Variants in BMP1 observed in about 807,000 individuals in gnomAD.
BMP1 encodes bone morphogenetic protein 1.
BMP1 carries 63 observed loss-of-function variants against 116.8 expected under a neutral mutation model. The ratio of observed to expected loss-of-function variants is 0.54; its 90% CI spans 0.44 to 0.67. The LOEUF is 0.67. Ranked by LOEUF, BMP1 falls within the 30% of genes least tolerant of loss-of-function variation. The pLI, the probability that BMP1 is intolerant of heterozygous loss-of-function variation, is 0.00. For missense variants in BMP1, 1,183 were observed against 1,358.9 expected, an observed-to-expected ratio of 0.87 and a Z score of 2.04; for synonymous variants, 536 against 533.4, an observed-to-expected ratio of 1.00 and a Z score of -0.07.
intron 8 of BMP1, among the ~76,000 whole-genome samples, chr8:22,182,760 C>T (rs1488570822): frequency 5.3e-5 from 8 of 152,200 alleles, no homozygotes; most frequent in Non-Finnish European, 8.8e-5. Context: ...GAATCCGCTC[C>T]TTACTCTCCT....
chr8:22,201,973 G>C, intron 16 of BMP1, 45 bp downstream of exon 16: 2 of 1,576,972 alleles, frequency 1.3e-6, no homozygotes, highest in Non-Finnish European at 1.7e-6. Context: ...AGGACCTGCT[G>C]CTGGGAGTGG....
chr8:22,185,482 T>TA (rs888406371), intron 8 of BMP1, among the ~76,000 whole-genome samples: 2 of 150,670 alleles, frequency 1.3e-5, no homozygotes, highest in African/African-American at 4.9e-5. Context: ...AAAATAAAAA[T>TA]AAAAAAAAGA....
chr8:22,184,679 G>A (rs1000476157), intron 8 of BMP1, among the ~76,000 whole-genome samples: 4 of 152,140 alleles, frequency 2.6e-5, no homozygotes. Context: ...GCCGGACCTC[G>A]CTATTCCCCA....
Position 22,179,155 on chromosome 8 carries a change from A to G in BMP1, c.837-550A>G, listed in dbSNP as rs113780739. ...GGGAGGAATGGCCAGGACAGGAGAC[A>G]CTGATAGATTGGGAGCTGGTGGGGC... On this transcript the variant is annotated intron_variant, in intron 6 of 19. Coordinates refer to ENST00000306385, the MANE Select transcript of BMP1 (RefSeq NM_006129.5). This position sits in a 1 kb window ranked among gnomAD's most constrained non-coding sequence, Gnocchi z 4.6. Among the ~76,000 whole-genome samples the G allele has an allele frequency of 1.9e-3, 283 of 152,292 alleles. No individual in the cohort carries two copies. Among genetic ancestry groups the G allele is most frequent in the African/African-American group, 6.5e-3 (270 of 41,564 alleles).
intron 13 of BMP1, 132 bp downstream of exon 13, chr8:22,195,719 T>C: frequency 7.7e-7 from 1 of 1,295,224 alleles, no homozygotes; most frequent in Non-Finnish European, 1.0e-6. Flanking sequence ...CAATCTTAGC[T>C]CACCATAGCC....
Position 22,201,883 on chromosome 8 carries a change from C to T in BMP1, c.2188C>T (p.Arg730Cys), listed in dbSNP as rs1298765144. Residue 730 changes from arginine (R) to cysteine (C), a missense_variant, in exon 16 of 20, where the codon CGC (arginine) becomes TGC (cysteine). By Grantham distance (180) the Arg-to-Cys change is radical. Transcript: ENST00000306385. ...NTFGSYECQC[R>C]SGFVLHDNKH... The stretch of plus-strand genomic sequence containing the variant: ...GTTCGGCAGTTATGAGTGCCAATGC[C>T]GCAGTGGCTTCGTCCTCCATGACAA... 4.3e-6 allele frequency: 7 copies of T among 1,613,722 alleles called. No individual in the cohort carries two copies. The highest frequency in any genetic ancestry group is 2.2e-5 in the East Asian group (1 of 44,878).
intron 13 of BMP1, chr8:22,196,252 C>T (rs1347646142): frequency 1.9e-6 from 1 of 532,036 alleles, no homozygotes; most frequent in Non-Finnish European, 3.7e-6. Context: ...CACGCATGGT[C>T]CCGAGATGCT....
rs1268509053 is a variant in BMP1 at position 22,211,852 on chromosome 8, A to G, written c.*124A>G. 72 of 1,455,606 alleles carry G rather than the reference A, an allele frequency of 4.9e-5. No homozygotes were observed. The highest frequency in any genetic ancestry group is 6.5e-5 in the Non-Finnish European group (69 of 1,065,344). 90.2% of individuals were successfully genotyped at this position (1,455,606 alleles called of 1,614,324 possible). A position where few individuals can be genotyped will look rare whatever the true frequency, so the allele number is the denominator to read the frequency against. On this transcript the variant is annotated 3_prime_UTR_variant, in exon 20 of 20. Coordinates refer to ENST00000306385, the MANE Select transcript of BMP1 (RefSeq NM_006129.5). ...CCAGGCCCCAGGACCTGCAGGGCCA[A>G]TGGCCTGGTGAGACTGTCCATAGGA...
intron 5 of BMP1, 136 bp downstream of exon 5, chr8:22,177,275 G>T: frequency 1.1e-6 from 1 of 946,668 alleles, no homozygotes; most frequent in Non-Finnish European, 1.6e-6. Flanking sequence ...CACAGCCTGG[G>T]TTGAGCCAGC....
intron 17 of BMP1, 105 bp downstream of exon 17, chr8:22,207,086 C>T (rs551565242): frequency 1.3e-6 from 2 of 1,523,174 alleles, no homozygotes; most frequent in South Asian, 1.2e-5. Flanking sequence ...TCTGCCATCC[C>T]CAGGAGACCC....
chr8:22,179,940 G>T lies in BMP1; in HGVS notation c.961+111G>T. On this transcript the variant is annotated intron_variant, in intron 7 of 19. Transcript: ENST00000306385. The surrounding 1 kb of genome is among the most constrained non-coding windows in gnomAD (Gnocchi z 4.6). The stretch of plus-strand genomic sequence containing the variant: ...CTTAGGCTGCAAGTCTTAGAGAATG[G>T]TGTGGCGGGGGAGGGGACCCCATAG... The T allele has an allele frequency of 8.1e-7, 1 of 1,234,238 alleles. No homozygotes were observed. Among genetic ancestry groups the T allele is most frequent in the Non-Finnish European group, 1.1e-6 (1 of 896,714 alleles). 76.5% of individuals were successfully genotyped at this position (1,234,238 alleles called of 1,614,324 possible).
Position 22,194,539 on chromosome 8 carries a change from G to T in BMP1, c.1392G>T (p.Arg464=). The T allele has an allele frequency of 6.2e-7, 1 of 1,614,232 alleles. No individual in the cohort carries two copies. The highest frequency in any genetic ancestry group is 8.5e-7 in the Non-Finnish European group (1 of 1,180,040). The change falls in exon 11 of 20, where the codon CGG becomes CGT. Residue 464 remains arginine (R), a synonymous_variant. Coordinates refer to ENST00000306385, the MANE Select transcript of BMP1 (RefSeq NM_006129.5). The surrounding 1 kb of genome is among the most constrained non-coding windows in gnomAD (Gnocchi z 4.5). ...DYRPSKVCIW[R]IQVSEGFHVG... is the part of the protein sequence containing the mutation. The stretch of plus-strand genomic sequence containing the variant: ...GGCCCAGCAAAGTCTGCATCTGGCG[G>T]ATCCAGGTGTCTGAGGGCTTCCACG...
Position 22,194,741 on chromosome 8 carries a change from C to T in BMP1, c.1461C>T (p.Ser487=). 6.2e-7 allele frequency: 1 copy of T among 1,607,992 alleles called. No homozygotes were observed. The highest frequency in any genetic ancestry group is 8.5e-7 in the Non-Finnish European group (1 of 1,176,732). Residue 487 remains serine (S), a synonymous_variant, in exon 12 of 20, where the codon AGC becomes AGT. Transcript: ENST00000306385. This position sits in a 1 kb window ranked among gnomAD's most constrained non-coding sequence, Gnocchi z 4.5. ...FQSFEIERHD[S]CAYDYLEVRD... Reference sequence around the variant, plus strand: ...ACCCCTAGATTGAGCGCCACGACAGCTGTGCCTACGACTATCTGGAGGTGC... The same window carrying T: ...ACCCCTAGATTGAGCGCCACGACAGTTGTGCCTACGACTATCTGGAGGTGC...
chr8:22,168,962 T>C (rs951825786), intron 1 of BMP1, among the ~76,000 whole-genome samples: 4 of 151,704 alleles, frequency 2.6e-5, no homozygotes, highest in African/African-American at 9.7e-5. Context: ...AAGCCAGGAG[T>C]TTAAGACTAG....
chr8:22,176,739 C>T, intron 4 of BMP1, 89 bp downstream of exon 4: 7 of 1,415,144 alleles, frequency 4.9e-6, no homozygotes, highest in Non-Finnish European at 6.0e-6. Context: ...CAGCTGGGCA[C>T]AGCCTTGGGT....
Position 22,194,672 on chromosome 8 carries a change from G to A in BMP1, c.1444-52G>A. On this transcript the variant is annotated intron_variant, in intron 11 of 19. Coordinates refer to ENST00000306385, the MANE Select transcript of BMP1 (RefSeq NM_006129.5). The surrounding 1 kb of genome is among the most constrained non-coding windows in gnomAD (Gnocchi z 4.5). ...GCTGCCTCTCTTTGGGCTCCCAGGG[G>A]TGGGTCTCTGGCAGCCAGAGCCCCT... is the stretch of plus-strand genomic sequence containing the variant. 6.3e-7 allele frequency: 1 copy of A among 1,594,774 alleles called. No individual in the cohort carries two copies. The highest frequency in any genetic ancestry group is 1.1e-5 in the South Asian group (1 of 88,266).
chr8:22,176,243 G>T lies in BMP1; in HGVS notation c.363G>T (p.Ala121=), dbSNP rs755055320. 1 of 1,613,874 alleles carries T rather than the reference G, an allele frequency of 6.2e-7. No homozygotes were observed. The highest frequency in any genetic ancestry group is 1.1e-5 in the South Asian group (1 of 91,022). The part of the protein sequence containing the change: ...RWRGRSRSRR[A]ATSRPERVWP... Reference sequence around the variant, plus strand: ...GAGGTAGATCCCGTAGCCGGCGGGCGGCGACGTCCCGACCAGAGCGTGTGT... The same window carrying T: ...GAGGTAGATCCCGTAGCCGGCGGGCTGCGACGTCCCGACCAGAGCGTGTGT... Residue 121 remains alanine (A), a synonymous_variant, in exon 3 of 20, where the codon GCG becomes GCT. Transcript: ENST00000306385.
Position 22,209,603 on chromosome 8 carries a change from G to C in BMP1, c.2734G>C (p.Glu912Gln). The C allele has an allele frequency of 6.2e-7, 1 of 1,614,206 alleles. No homozygotes were observed. The highest frequency in any genetic ancestry group is 8.5e-7 in the Non-Finnish European group (1 of 1,180,020). The change falls in exon 19 of 20, where the codon GAG becomes CAG. Residue 912 changes from glutamate to glutamine, a missense_variant. Around this residue, in one of 4 missense-constraint regions of BMP1, gnomAD observed 956 missense variants for 1,135.2 expected, o/e 0.84. Coordinates refer to ENST00000306385, the MANE Select transcript of BMP1 (RefSeq NM_006129.5). Reference protein sequence around the residue: ...VELVFQTFEVEEETDCGYDYM... With the variant: ...VELVFQTFEVQEETDCGYDYM... ...GCTCGTGTTCCAGACCTTTGAGGTG[G>C]AGGAGGAGACCGACTGCGGCTATGA...
At chr8:22,186,016 A>G (rs1394478806) in intron 8 of BMP1, among the ~76,000 whole-genome samples, 1 of 151,866 alleles carries the variant, frequency 6.6e-6, no homozygotes, top group Non-Finnish European at 1.5e-5. Flanking sequence ...TTGTATTTTT[A>G]GTAGAGACAG....
Sources: allele counts gnomAD v4.1 joint callset (sites outside exome capture counted in the v4.1 genomes callset), GRCh38; gene constraint gnomAD v4.1.1; regional missense constraint gnomAD v4.1.1; non-coding constraint Gnocchi (gnomAD v3.1); transcripts MANE v1.5; gene names NCBI Gene and HGNC (gene_info 2026-07-23, HGNC 2026-07-21).